The following TRAP1 variants were observed in gnomAD, a reference collection of about 807,000 sequenced individuals.
TRAP1 encodes the protein TNF receptor associated protein 1, also known as heat shock protein 75 kDa, mitochondrial.
In TRAP1, 102 loss-of-function variants were observed where a neutral mutation model predicts 89.1. That is an observed-to-expected ratio of 1.15 (90% CI 0.98 to 1.35). TRAP1 has a LOEUF of 1.35. Ranked by LOEUF, TRAP1 falls within the 40% of genes most tolerant of loss-of-function variation. TRAP1 has a pLI of 0.00. For missense variants in TRAP1, 1,256 were observed against 945.3 expected (o/e 1.33, Z -4.31); for synonymous variants, 508 against 388.0 (o/e 1.31, Z -3.64).
chr16:3,687,721 A>C (rs2051155402), intron 3 of TRAP1, among the ~76,000 whole-genome samples: 1 of 152,026 alleles, frequency 6.6e-6, no homozygotes, highest in African/African-American at 2.4e-5. Context: ...CCGTCTCTAC[A>C]AAAAAATACA....
At chr16:3,706,750 C>T (rs980466100) in intron 1 of TRAP1, among the ~76,000 whole-genome samples, 2 of 152,076 alleles carry the variant, frequency 1.3e-5, no homozygotes, top group African/African-American at 4.8e-5. Context: ...CATGACCAAC[C>T]GCACCCAGCC....
Position 3,674,359 on chromosome 16 carries a change from T to C in TRAP1, c.1024A>G (p.Ile342Val). The change falls in exon 9 of 18, where the codon ATC becomes GTC. Residue 342 changes from isoleucine to valine, a missense_variant. Ile to Val is a conservative substitution (Grantham distance 29). Coordinates refer to ENST00000246957, the MANE Select transcript of TRAP1 (RefSeq NM_016292.3). ...CTCACCATGTCGGGCACGTAGAAGATGCTGCGGATGTTGAGCGGTGCGTCC... is the reference window on the plus strand; with the variant it reads ...CTCACCATGTCGGGCACGTAGAAGACGCTGCGGATGTTGAGCGGTGCGTCC... ...KTDAPLNIRS[I>V]FYVPDMKPSM... The C allele has an allele frequency of 6.2e-7, 1 of 1,614,034 alleles. No individual in the cohort carries two copies. The highest frequency in any genetic ancestry group is 8.5e-7 in the Non-Finnish European group (1 of 1,180,026).
intron 1 of TRAP1, among the ~76,000 whole-genome samples, chr16:3,707,971 G>A (rs1184708350): frequency 1.3e-5 from 2 of 152,028 alleles, no homozygotes; most frequent in Admixed American, 6.6e-5. Flanking sequence ...GATCACTTGA[G>A]ACCAGGAGTT....
chr16:3,659,087 A>G (rs2042910747), intron 16 of TRAP1: 2 of 533,884 alleles, frequency 3.7e-6, no homozygotes, highest in Non-Finnish European at 3.3e-6. Context: ...AAGGTAGCCA[A>G]ACTCCAAGAT....
At position 3,658,077 on chromosome 16, in the gene TRAP1, C is replaced by G; in HGVS notation, c.*52G>C. ...CCTTTAAATTTAGGTAAATAAAGCT[C>G]AAGGAGGTGGGGCTGTCATCTGTGG... On this transcript the variant is annotated 3_prime_UTR_variant, in exon 18 of 18. Coordinates refer to ENST00000246957, the MANE Select transcript of TRAP1 (RefSeq NM_016292.3). 1.2e-6 allele frequency: 2 copies of G among 1,610,094 alleles called. No homozygotes were observed. The highest frequency in any genetic ancestry group is 1.7e-6 in the Non-Finnish European group (2 of 1,177,200).
intron 1 of TRAP1, among the ~76,000 whole-genome samples, chr16:3,706,758 G>A (rs919648117): frequency 7.2e-5 from 11 of 152,106 alleles, no homozygotes; most frequent in Admixed American, 7.2e-4. Flanking sequence ...ACCGCACCCA[G>A]CCTCGTTTCC....
intron 3 of TRAP1, among the ~76,000 whole-genome samples, chr16:3,688,782 C>A (rs1422952726): frequency 6.6e-6 from 1 of 152,162 alleles, no homozygotes; most frequent in East Asian, 1.9e-4. Context: ...CCACACCAGG[C>A]CTGTATTTCG....
At chr16:3,659,859 C>G (rs1206160536) in intron 16 of TRAP1, 2 of 152,124 alleles carry the variant, frequency 1.3e-5, no homozygotes, top group African/African-American at 4.8e-5. Context: ...AAGAGGTTCT[C>G]TTGCCTCAGC....
At chr16:3,692,960 G>A (rs1016566714) in intron 1 of TRAP1, among the ~76,000 whole-genome samples, 1 of 146,662 alleles carries the variant, frequency 6.8e-6, no homozygotes, top group African/African-American at 2.5e-5. Flanking sequence ...CTGGCCTTTT[G>A]TTTTTGTTTT....
At chr16:3,687,887 A>C (rs1451136483) in intron 3 of TRAP1, among the ~76,000 whole-genome samples, 4 of 132,010 alleles carry the variant, frequency 3.0e-5, no homozygotes, top group African/African-American at 1.1e-4. Flanking sequence ...ACAAAAACCC[A>C]CACAATTAAA....
At chr16:3,710,836 A>G (rs935929716) in intron 1 of TRAP1, among the ~76,000 whole-genome samples, 1 of 147,392 alleles carries the variant, frequency 6.8e-6, no homozygotes, top group African/African-American at 2.5e-5. Context: ...CTCAAAATTA[A>G]TTTCTTTTAT....
intron 1 of TRAP1, among the ~76,000 whole-genome samples, chr16:3,696,223 G>A (rs1016392432): frequency 3.9e-5 from 6 of 152,130 alleles, no homozygotes; most frequent in African/African-American, 1.4e-4. Flanking sequence ...TCCAAAAACA[G>A]GAACCAGAGA....
At chr16:3,663,617 GAAGA>G in intron 13 of TRAP1, 55 bp from the exon 14 acceptor site, 4 of 1,607,236 alleles carry the variant, frequency 2.5e-6, no homozygotes, top group East Asian at 2.2e-5. Flanking sequence ...AGCCACCACA[GAAGA>G]AAGGATGAGG....
chr16:3,708,560 C>T (rs530568575), intron 1 of TRAP1, among the ~76,000 whole-genome samples: 2 of 152,008 alleles, frequency 1.3e-5, no homozygotes, highest in Non-Finnish European at 2.9e-5. Context: ...ATGCTTCAAC[C>T]TGGGAGACGG....
chr16:3,685,206 C>A (rs887817193), intron 4 of TRAP1, among the ~76,000 whole-genome samples: 10 of 152,176 alleles, frequency 6.6e-5, no homozygotes, highest in Non-Finnish European at 1.2e-4. Context: ...GAAACCCACT[C>A]CCCACCCAAT....
chr16:3,665,962 C>A lies in TRAP1; in HGVS notation c.1383+9G>T. Reference sequence around the variant, plus strand: ...GCCCAGAAAAAGGCCTGGAACACAGCTCCTATACCTTGACCTCCTGCTCGG... The same window carrying A: ...GCCCAGAAAAAGGCCTGGAACACAGATCCTATACCTTGACCTCCTGCTCGG... On this transcript the variant is annotated intron_variant, in intron 12 of 17. Coordinates refer to ENST00000246957, the MANE Select transcript of TRAP1 (RefSeq NM_016292.3). 1.2e-6 allele frequency: 2 copies of A among 1,610,850 alleles called. No homozygotes were observed. Among genetic ancestry groups the A allele is most frequent in the Non-Finnish European group, 8.5e-7 (1 of 1,178,810 alleles).
chr16:3,694,000 CA>C (rs36111419), intron 1 of TRAP1, among the ~76,000 whole-genome samples: 1,925 of 132,642 alleles, frequency 0.015, 32 homozygotes, highest in Non-Finnish European at 0.018. Flanking sequence ...GACTCTGTCT[CA>C]AAAAAAAAAA....
chr16:3,694,350 C>CT (rs35104522), intron 1 of TRAP1, among the ~76,000 whole-genome samples: 7,930 of 148,754 alleles, frequency 0.053, 212 homozygotes, highest in Admixed American at 0.065. Context: ...GTATCTTTCT[C>CT]TTTTTTTTTT....
intron 3 of TRAP1, among the ~76,000 whole-genome samples, chr16:3,686,756 A>C (rs1409647260): frequency 6.6e-6 from 1 of 152,148 alleles, no homozygotes; most frequent in Non-Finnish European, 1.5e-5. Flanking sequence ...GGATCACTTG[A>C]GGTCAGGAGC....
Sources: gnomAD v4.1 joint callset for allele counts (sites outside exome capture counted in the v4.1 genomes callset) on GRCh38, gnomAD v4.1.1 for gene constraint, MANE v1.5 for transcripts, NCBI Gene and HGNC (gene_info 2026-07-23, HGNC 2026-07-21) for gene names.